PPHLN1: variants seen among roughly 807,000 people sequenced by gnomAD.
PPHLN1 encodes periphilin 1.
Under a neutral mutation model 51.3 loss-of-function variants are expected in PPHLN1, and 29 were observed. The observed-to-expected ratio is 0.57, with a 90% CI of 0.42 to 0.77. The LOEUF is 0.77. PPHLN1 is among the 30% of genes least tolerant of loss of function. PPHLN1 has a pLI of 0.00. For synonymous variants in PPHLN1, 147 were observed against 147.8 expected (o/e 0.99, Z 0.04); for missense variants, 436 against 438.4 (o/e 0.99, Z 0.05).
chr12:42,399,310 G>A (rs1592726076), intron 9 of PPHLN1: 1 of 872,378 alleles, frequency 1.1e-6, no homozygotes, highest in Non-Finnish European at 1.4e-6. Context: ...GTAGCAAAAT[G>A]TTAGCAAATG....
intron 9 of PPHLN1, among the ~76,000 whole-genome samples, chr12:42,410,742 C>G (rs2079737121): frequency 1.3e-5 from 2 of 152,146 alleles, no homozygotes; most frequent in South Asian, 4.1e-4. Context: ...AAAAACACAG[C>G]CAGCCAGGCT....
At chr12:42,330,468 C>T (rs941294275) in intron 1 of PPHLN1, among the ~76,000 whole-genome samples, 18 of 152,116 alleles carry the variant, frequency 1.2e-4, no homozygotes, top group Non-Finnish European at 2.5e-4. Flanking sequence ...GGTAGAGGTC[C>T]CTGCAGCTTT....
intron 4 of PPHLN1, among the ~76,000 whole-genome samples, chr12:42,359,061 G>T (rs540168975): frequency 6.6e-6 from 1 of 151,966 alleles, no homozygotes; most frequent in Non-Finnish European, 1.5e-5. Flanking sequence ...GTAGTGCCAT[G>T]ACAGTATCCC....
intron 1 of PPHLN1, chr12:42,332,782 G>A: frequency 1.3e-6 from 1 of 781,028 alleles, no homozygotes; most frequent in Non-Finnish European, 2.0e-6. Context: ...TAATATTTCA[G>A]TATTAAACTA....
At chr12:42,329,569 G>A (rs894896202) in intron 1 of PPHLN1, among the ~76,000 whole-genome samples, 1 of 152,056 alleles carries the variant, frequency 6.6e-6, no homozygotes, top group Non-Finnish European at 1.5e-5. Flanking sequence ...ACTATATAGT[G>A]TACTTTTAAT....
At chr12:42,363,786 CATACTT>C (rs907643559) in intron 4 of PPHLN1, among the ~76,000 whole-genome samples, 13 of 152,204 alleles carry the variant, frequency 8.5e-5, no homozygotes, top group South Asian at 2.1e-4. Flanking sequence ...TTTTTCAAAA[CATACTT>C]ATAGATGAAA....
At chr12:42,423,287 C>T (rs1399093996) in intron 9 of PPHLN1, among the ~76,000 whole-genome samples, 1 of 151,770 alleles carries the variant, frequency 6.6e-6, no homozygotes, top group Non-Finnish European at 1.5e-5. Context: ...ATGGATTTTC[C>T]CCACTGTACA....
At position 42,413,695 on chromosome 12, in the gene PPHLN1, C is replaced by T. The variant is rs376543565; in HGVS notation, c.909+14701C>T. ...TCCTGTCTCAGCTTCTGGAGTAGCT[C>T]GGATTACAGGCACCTGCCACCACAC... On this transcript the variant is annotated intron_variant, in intron 9 of 9. Coordinates refer to ENST00000358314, the MANE Select transcript of PPHLN1 (RefSeq NM_201439.2). 1.4e-3 allele frequency among the ~76,000 whole-genome samples: 216 copies of T among 151,650 alleles called. 5 individuals carry two copies. The South Asian group carries it at 0.043, about 30-fold the overall frequency.
At chr12:42,352,277 A>C (rs2073458302) in intron 3 of PPHLN1, among the ~76,000 whole-genome samples, 1 of 152,100 alleles carries the variant, frequency 6.6e-6, no homozygotes, top group Non-Finnish European at 1.5e-5. Flanking sequence ...AAATGAAATT[A>C]ATTCCAACCA....
chr12:42,415,940 A>C (rs1176915129), intron 9 of PPHLN1, among the ~76,000 whole-genome samples: 1 of 152,214 alleles, frequency 6.6e-6, no homozygotes, highest in Non-Finnish European at 1.5e-5. Context: ...TGAGATTTAA[A>C]AATTAGTTCC....
At chr12:42,364,694 G>T (rs113320175) in intron 4 of PPHLN1, among the ~76,000 whole-genome samples, 5,116 of 152,168 alleles carry the variant, frequency 0.034, 295 homozygotes, top group African/African-American at 0.12. Context: ...CCCGAGGTGG[G>T]TGGATCACCT....
At chr12:42,341,995 A>G (rs2071581330) in intron 2 of PPHLN1, among the ~76,000 whole-genome samples, 1 of 152,144 alleles carries the variant, frequency 6.6e-6, no homozygotes. Flanking sequence ...ATTTGGCCTT[A>G]AACTTGGGTA....
chr12:42,389,046 G>A (rs1454743747), intron 7 of PPHLN1, among the ~76,000 whole-genome samples: 1 of 152,152 alleles, frequency 6.6e-6, no homozygotes, highest in Non-Finnish European at 1.5e-5. Flanking sequence ...AGACCATCCT[G>A]GCTAACACAG....
At chr12:42,435,531 C>T (rs1427051787) in intron 9 of PPHLN1, among the ~76,000 whole-genome samples, 1 of 152,096 alleles carries the variant, frequency 6.6e-6, no homozygotes, top group Non-Finnish European at 1.5e-5. Flanking sequence ...TACTATAGAC[C>T]AAAATTAAAG....
At chr12:42,391,287 G>T (rs1489645125) in intron 7 of PPHLN1, among the ~76,000 whole-genome samples, 1 of 152,164 alleles carries the variant, frequency 6.6e-6, no homozygotes, top group Non-Finnish European at 1.5e-5. Context: ...CGTCCAGGCT[G>T]GAGTGCAATG....
In PPHLN1 at chr12:42,417,970, C is replaced by T. The variant is rs1592876650; in HGVS notation, c.909+18976C>T. 1.1e-4 allele frequency among the ~76,000 whole-genome samples: 13 copies of T among 120,404 alleles called. No homozygotes were observed. The South Asian group carries it at 3.5e-3, about 32-fold the overall frequency. The allele number at this position is 120,404 out of a possible 152,430, so 79.0% of individuals were successfully genotyped here. A position where few individuals can be genotyped will look rare whatever the true frequency, so the allele number is the denominator to read the frequency against. ...TTTTTTTTTTTTTGAGACAGAGTCT[C>T]GCTCTGTCGCCCAGGCTGGAGTGCT... On this transcript the variant is annotated intron_variant, in intron 9 of 9. Coordinates refer to ENST00000358314, the MANE Select transcript of PPHLN1 (RefSeq NM_201439.2).
chr12:42,341,628 A>G (rs576783786), intron 2 of PPHLN1, among the ~76,000 whole-genome samples: 4 of 151,422 alleles, frequency 2.6e-5, no homozygotes, highest in Non-Finnish European at 5.9e-5. Context: ...TATTATTATT[A>G]TTATTATTTT....
At chr12:42,355,410 C>T (rs1256761942) in intron 4 of PPHLN1, 188 bp downstream of exon 4, 2 of 501,926 alleles carry the variant, frequency 4.0e-6, no homozygotes, top group African/African-American at 2.0e-5. Context: ...TGTTCCACAT[C>T]TCTTGGCATT....
At chr12:42,433,617 C>A in intron 9 of PPHLN1, among the ~76,000 whole-genome samples, 1 of 152,284 alleles carries the variant, frequency 6.6e-6, no homozygotes, top group Middle Eastern at 3.4e-3. Flanking sequence ...CCACCGCACC[C>A]GGCCCACACT....
Sources: gnomAD v4.1 joint callset for allele counts (sites outside exome capture counted in the v4.1 genomes callset) on GRCh38, gnomAD v4.1.1 for gene constraint, MANE v1.5 for transcripts, NCBI Gene and HGNC (gene_info 2026-07-23, HGNC 2026-07-21) for gene names.